The following HS3ST6 variants were observed in gnomAD, a reference collection of about 807,000 sequenced individuals.
The protein encoded by HS3ST6 is heparan sulfate glucosamine 3-O-sulfotransferase 6.
In HS3ST6, 13 loss-of-function variants were observed where a neutral mutation model predicts 11.0. The ratio of observed to expected loss-of-function variants is 1.18; its 90% CI spans 0.77 to 1.88. The LOEUF (loss-of-function observed/expected upper bound fraction) is 1.88. HS3ST6 is among the 40% of genes most tolerant of loss of function. HS3ST6 has a pLI of 0.00. For missense variants in HS3ST6, 541 were observed against 494.4 expected (o/e 1.09, Z -0.89); for synonymous variants, 232 against 230.6 (o/e 1.01, Z -0.06).
At chr16:1,917,532 G>A (rs35093198) in intron 1 of HS3ST6, among the ~76,000 whole-genome samples, 4,153 of 152,232 alleles carry the variant, frequency 0.027, 83 homozygotes, top group South Asian at 0.089. Context: ...GCCAGCGGTC[G>A]GTCACACCTG....
Position 1,918,334 on chromosome 16 carries a change from C to T in HS3ST6, c.-11G>A. The T allele has an allele frequency of 3.2e-6, 1 of 316,494 alleles. No homozygotes were observed. Among genetic ancestry groups the T allele is most frequent in the Non-Finnish European group, 3.5e-6 (1 of 285,922 alleles). The allele number at this position is 316,494 out of a possible 1,614,324, so 19.6% of individuals were successfully genotyped here. ...GCCGCTACCTGCCATGGGGTCGCGC[C>T]GCTCCAGGCCCGGGAGCGGGGGCAG... On this transcript the variant is annotated 5_prime_UTR_variant, in exon 1 of 2. Transcript: ENST00000454677. This position sits in a 1 kb window ranked among gnomAD's most constrained non-coding sequence, Gnocchi z 6.0.
In HS3ST6 at chr16:1,912,495, C is replaced by G. The variant is rs1194284631; in HGVS notation, c.414-290G>C. ...GGTGACGGTCGCTGGTCGGGAGGCC[C>G]AAATGCTCCTCACCACCCACATATC... On this transcript the variant is annotated intron_variant, in intron 1 of 1. Coordinates refer to ENST00000454677, the MANE Select transcript of HS3ST6 (RefSeq NM_001009606.4). The surrounding 1 kb of genome is among the most constrained non-coding windows in gnomAD (Gnocchi z 5.6). Among the ~76,000 whole-genome samples, 1 of 152,148 alleles carries G rather than the reference C, an allele frequency of 6.6e-6. No homozygotes were observed. The highest frequency in any genetic ancestry group is 1.5e-5 in the Non-Finnish European group (1 of 68,004).
At chr16:1,917,281 C>G (rs1002856041) in intron 1 of HS3ST6, among the ~76,000 whole-genome samples, 19 of 152,152 alleles carry the variant, frequency 1.2e-4, no homozygotes, top group Non-Finnish European at 1.8e-4. Flanking sequence ...TCAGCTGAGG[C>G]TGCCGCACCC....
Position 1,912,270 on chromosome 16 carries a change from C to G in HS3ST6, c.414-65G>C. On this transcript the variant is annotated intron_variant, in intron 1 of 1. Transcript: ENST00000454677. This position sits in a 1 kb window ranked among gnomAD's most constrained non-coding sequence, Gnocchi z 5.6. ...CAGCCCTAGACCGGCCCCCAGGGGC[C>G]CGGGACCAAGGCCCCCTTATGCCCG... is the stretch of plus-strand genomic sequence containing the variant. The G allele has an allele frequency of 7.8e-7, 1 of 1,274,092 alleles. No homozygotes were observed. 78.9% of individuals were successfully genotyped at this position (1,274,092 alleles called of 1,614,324 possible).
Position 1,911,522 on chromosome 16 carries a change from T to A in HS3ST6, c.*68A>T. 1 of 1,447,900 alleles carries A rather than the reference T, an allele frequency of 6.9e-7. No individual in the cohort carries two copies. The highest frequency in any genetic ancestry group is 9.1e-7 in the Non-Finnish European group (1 of 1,093,914). 89.7% of individuals were successfully genotyped at this position (1,447,900 alleles called of 1,614,324 possible). A position where few individuals can be genotyped will look rare whatever the true frequency, so the allele number is the denominator to read the frequency against. On this transcript the variant is annotated 3_prime_UTR_variant, in exon 2 of 2. Transcript: ENST00000454677. ...TAAATATTCCTCTCTGCCCAGCATG[T>A]GCACGCAGCCCGCTCTGGCCAGGCG...
chr16:1,917,788 A>T, intron 1 of HS3ST6, 123 bp downstream of exon 1: 1 of 746,538 alleles, frequency 1.3e-6, no homozygotes, highest in South Asian at 3.4e-5. Flanking sequence ...GGCGGTCCCA[A>T]CCCCACTGCC....
chr16:1,911,613 CCGTCATCTG>C lies in HS3ST6; in HGVS notation c.997_1005del (p.Gln333_Thr335del). 1 of 1,606,394 alleles carries C rather than the reference CCGTCATCTG, an allele frequency of 6.2e-7. No individual in the cohort carries two copies. The highest frequency in any genetic ancestry group is 8.5e-7 in the Non-Finnish European group (1 of 1,176,736). ...GCTCAGCCCCAGCCGAAGTCCTGGC[CCGTCATCTG>C]GTAGAACCTGCGGTTGAAGGGCCGG... On this transcript the variant is annotated inframe_deletion, in exon 2 of 2. Coordinates refer to ENST00000454677, the MANE Select transcript of HS3ST6 (RefSeq NM_001009606.4).
chr16:1,917,819 T>A, intron 1 of HS3ST6, 92 bp downstream of exon 1: 3 of 1,036,636 alleles, frequency 2.9e-6, no homozygotes, highest in East Asian at 3.5e-5. Flanking sequence ...CCCTGCTCCC[T>A]GGGAGGCAGG....
upstream of HS3ST6, among the ~76,000 whole-genome samples, chr16:1,919,297 G>C (rs1365721967): frequency 6.6e-6 from 1 of 152,222 alleles, no homozygotes; most frequent in Non-Finnish European, 1.5e-5. Flanking sequence ...TCCCCCAGGG[G>C]CTGCCTCTGA....
chr16:1,917,930 G>T lies in HS3ST6; in HGVS notation c.394C>A (p.Arg132Ser), dbSNP rs867547163. 1 of 1,488,398 alleles carries T rather than the reference G, an allele frequency of 6.7e-7. No homozygotes were observed. 92.2% of individuals were successfully genotyped at this position (1,488,398 alleles called of 1,614,324 possible). A position where few individuals can be genotyped will look rare whatever the true frequency, so the allele number is the denominator to read the frequency against. Residue 132 changes from arginine to serine, a missense_variant, in exon 1 of 2, where the codon CGC becomes AGC. Coordinates refer to ENST00000454677, the MANE Select transcript of HS3ST6 (RefSeq NM_001009606.4). ...GCTCACCGGTACCAGGCGAGGCCGC[G>T]CTCGTAGCACCTGTCGAAGAAGTGG... ...EPHFFDRCYE[R>S]GLAWYRSLMP...
chr16:1,911,974 G>T lies in HS3ST6; in HGVS notation c.645C>A (p.Pro215=). The T allele has an allele frequency of 6.4e-7, 1 of 1,556,376 alleles. No individual in the cohort carries two copies. The highest frequency in any genetic ancestry group is 8.7e-7 in the Non-Finnish European group (1 of 1,150,700). ...GGACGGCGCTCCAGGCTGTGTCCACGGGGCCCAGGCCGTGGCGGAAGGCCA... is the reference window on the plus strand; with the variant it reads ...GGACGGCGCTCCAGGCTGTGTCCACTGGGCCCAGGCCGTGGCGGAAGGCCA... ...RALAFRHGLG[P]VDTAWSAVRI... The change falls in exon 2 of 2, where the codon CCC becomes CCA. Residue 215 remains proline, a synonymous_variant. Coordinates refer to ENST00000454677, the MANE Select transcript of HS3ST6 (RefSeq NM_001009606.4).
upstream of HS3ST6, among the ~76,000 whole-genome samples, chr16:1,920,288 C>T (rs112088399): frequency 2.6e-5 from 3 of 114,940 alleles, no homozygotes; most frequent in African/African-American, 3.1e-5. Context: ...TCAGGAGCCC[C>T]CACGGTCTCA....
chr16:1,912,101 T>TCCA lies in HS3ST6; in HGVS notation c.517_518insTGG (p.Pro172_Asp173insVal). 1 of 1,506,292 alleles carries TCCA rather than the reference T, an allele frequency of 6.6e-7. No homozygotes were observed. Among genetic ancestry groups the TCCA allele is most frequent in the Non-Finnish European group, 8.9e-7 (1 of 1,129,768 alleles). The allele number at this position is 1,506,292 out of a possible 1,614,324, so 93.3% of individuals were successfully genotyped here. A position where few individuals can be genotyped will look rare whatever the true frequency, so the allele number is the denominator to read the frequency against. Reference sequence around the variant, plus strand: ...CCGCACCACCACGATCAGCTTCGTGTCCGGGGACATGGCGTGGATGCGGCG... The same window carrying TCCA: ...CCGCACCACCACGATCAGCTTCGTGTCCACCGGGGACATGGCGTGGATGCGGCG... On this transcript the variant is annotated inframe_insertion, in exon 2 of 2. Transcript: ENST00000454677. This position sits in a 1 kb window ranked among gnomAD's most constrained non-coding sequence, Gnocchi z 5.6.
In HS3ST6 at chr16:1,917,927, C is replaced by T; in HGVS notation, c.397G>A (p.Gly133Ser). The T allele has an allele frequency of 2.0e-6, 3 of 1,485,094 alleles. No individual in the cohort carries two copies. Among genetic ancestry groups the T allele is most frequent in the Non-Finnish European group, 2.7e-6 (3 of 1,119,882 alleles). 92.0% of individuals were successfully genotyped at this position (1,485,094 alleles called of 1,614,324 possible). ...PHFFDRCYER[G>S]LAWYRSLMPR... ...GGTGCTCACCGGTACCAGGCGAGGC[C>T]GCGCTCGTAGCACCTGTCGAAGAAG... Residue 133 changes from glycine (G) to serine (S), a missense_variant, in exon 1 of 2, where the codon GGC becomes AGC. Coordinates refer to ENST00000454677, the MANE Select transcript of HS3ST6 (RefSeq NM_001009606.4).
intron 1 of HS3ST6, among the ~76,000 whole-genome samples, chr16:1,917,093 A>T (rs1411303886): frequency 6.6e-6 from 1 of 152,184 alleles, no homozygotes; most frequent in East Asian, 1.9e-4. Flanking sequence ...GTTAACAAAT[A>T]GGGGTAGGCG....
chr16:1,918,834 G>A (rs779905832), upstream of HS3ST6, among the ~76,000 whole-genome samples: 59 of 152,266 alleles, frequency 3.9e-4, no homozygotes, highest in Non-Finnish European at 6.0e-4. The surrounding 1 kb of genome is among the most constrained non-coding windows in gnomAD (Gnocchi z 6.0). Context: ...CTCATCGCCA[G>A]GCCAAGGGGA....
At chr16:1,920,008 C>G (rs946237079), upstream of HS3ST6, among the ~76,000 whole-genome samples, 4 of 152,170 alleles carry the variant, frequency 2.6e-5, no homozygotes, top group Non-Finnish European at 5.9e-5. Flanking sequence ...ACCCCACAGT[C>G]TCAGCAGTCC....
rs2082898040 is a variant in HS3ST6, at chr16:1,912,491, G to A, written c.414-286C>T. On this transcript the variant is annotated intron_variant, in intron 1 of 1. Transcript: ENST00000454677. The surrounding 1 kb of genome is among the most constrained non-coding windows in gnomAD (Gnocchi z 5.6). ...TTAGGGTGACGGTCGCTGGTCGGGAGGCCCAAATGCTCCTCACCACCCACA... is the reference window on the plus strand; with the variant it reads ...TTAGGGTGACGGTCGCTGGTCGGGAAGCCCAAATGCTCCTCACCACCCACA... Among the ~76,000 whole-genome samples, 1 of 152,120 alleles carries A rather than the reference G, an allele frequency of 6.6e-6. No homozygotes were observed. The highest frequency in any genetic ancestry group is 1.5e-5 in the Non-Finnish European group (1 of 68,006).
chr16:1,913,083 C>T (rs777038561), intron 1 of HS3ST6, among the ~76,000 whole-genome samples: 66 of 152,192 alleles, frequency 4.3e-4, no homozygotes, highest in Non-Finnish European at 7.8e-4. Context: ...TGAGCCACTG[C>T]GGCTGGCCTC....
Sources: gnomAD v4.1 joint callset for allele counts (sites outside exome capture counted in the v4.1 genomes callset) on GRCh38, gnomAD v4.1.1 for gene constraint, Gnocchi (gnomAD v3.1) non-coding constraint, MANE v1.5 for transcripts, NCBI Gene and HGNC (gene_info 2026-07-23, HGNC 2026-07-21) for gene names.